COL6A3: variants seen among roughly 807,000 people sequenced by gnomAD.
The protein encoded by COL6A3 is collagen alpha-3(VI) chain.
Under a neutral mutation model 274.1 loss-of-function variants are expected in COL6A3, and 137 were observed. The ratio of observed to expected loss-of-function variants is 0.50; its 90% CI spans 0.44 to 0.58. The LOEUF (loss-of-function observed/expected upper bound fraction) is 0.58, where lower values mean the gene tolerates loss of function less well. Among genes scored for constraint, COL6A3 ranks in the 20% least tolerant of loss-of-function variants. The pLI, the probability that COL6A3 is intolerant of heterozygous loss-of-function variation, is 0.00. For missense variants in COL6A3, 3,950 were observed against 4,124.9 expected (o/e 0.96, Z 1.16); for synonymous variants, 1,650 against 1,650.6 (o/e 1.00, Z 0.01).
At chr2:237,343,716 G>GA in intron 36 of COL6A3, 1 of 160,396 alleles carries the variant, frequency 6.2e-6, no homozygotes, top group South Asian at 1.8e-4. Flanking sequence ...ATAGTTTTGG[G>GA]GACCTCACTG....
chr2:237,374,859 G>T lies in COL6A3; in HGVS notation c.3232C>A (p.Pro1078Thr). ...ATGTATGAATTCAGGTAGAACTCGG[G>T]CCTGGTCCGGTCGCTGTACTGCACC... ...AVVQYSDRTR[P>T]EFYLNSYMNK... is the part of the protein sequence containing the mutation. The change falls in exon 8 of 44, where the codon CCC becomes ACC. Residue 1078 changes from proline (P) to threonine (T), a missense_variant. Pro to Thr is a conservative substitution (Grantham distance 38). Coordinates refer to ENST00000295550, the MANE Select transcript of COL6A3 (RefSeq NM_004369.4). The surrounding 1 kb of genome is among the most constrained non-coding windows in gnomAD (Gnocchi z 4.8). The T allele has an allele frequency of 6.2e-7, 1 of 1,613,842 alleles. No individual in the cohort carries two copies. Among genetic ancestry groups the T allele is most frequent in the East Asian group, 2.2e-5 (1 of 44,838 alleles).
At chr2:237,353,535 A>G in intron 24 of COL6A3, 132 bp from the exon 25 acceptor site, 7 of 757,892 alleles carry the variant, frequency 9.2e-6, no homozygotes, top group Non-Finnish European at 1.4e-5. Context: ...CAGAGGTAAC[A>G]GATGATCAAA....
rs747957874 is a variant in COL6A3, at chr2:237,378,755, G to A, written c.2378C>T (p.Pro793Leu). 6.8e-6 allele frequency: 11 copies of A among 1,614,080 alleles called. No homozygotes were observed. Among genetic ancestry groups the A allele is most frequent in the Non-Finnish European group, 9.3e-6 (11 of 1,180,062 alleles). Reference protein sequence around the residue: ...KAELEQIAFNPSLVYLMDDFS... With the variant: ...KAELEQIAFNLSLVYLMDDFS... ...ATCATCCATGAGATACACCAGGCTT[G>A]GGTTAAAAGCAATCTGCTCAAGCTC... The change falls in exon 6 of 44, where the codon CCA becomes CTA. Residue 793 changes from proline to leucine, a missense_variant. By Grantham distance (98) the Pro-to-Leu change is moderately conservative. Transcript: ENST00000295550.
chr2:237,340,638 G>C lies in COL6A3; in HGVS notation c.8278C>G (p.Leu2760Val), dbSNP rs777289447. The part of the protein sequence containing the change: ...QQLEEAQRVI[L>V]QAKCKGYFFV... ...AAGTAGCCCTTGCATTTGGCCTGCAGGATGACTCTCTGGGCCTCCTCCAGC... is the reference window on the plus strand; with the variant it reads ...AAGTAGCCCTTGCATTTGGCCTGCACGATGACTCTCTGGGCCTCCTCCAGC... Residue 2760 changes from leucine (L) to valine (V), a missense_variant, in exon 38 of 44, where the codon CTG (leucine) becomes GTG (valine). Leu to Val is a conservative substitution (Grantham distance 32). Around this residue, in one of 5 missense-constraint regions of COL6A3, gnomAD observed 1,284 missense variants for 1,349.7 expected, o/e 0.95. Coordinates refer to ENST00000295550, the MANE Select transcript of COL6A3 (RefSeq NM_004369.4). 5.6e-6 allele frequency: 9 copies of C among 1,614,202 alleles called. No homozygotes were observed. The highest frequency in any genetic ancestry group is 1.7e-4 in the Middle Eastern group (1 of 6,060).
Position 237,336,387 on chromosome 2 carries a change from C to G in COL6A3, c.8713G>C (p.Val2905Leu), listed in dbSNP as rs1700548408. ...GCCGGCTTTGCAGCGGCTGGCTTCA[C>G]AGATGGCTGATTTATAATAGTCACA... Reference protein sequence around the residue: ...KPVTIINQPSVKPAAAKPAPA... With the variant: ...KPVTIINQPSLKPAAAKPAPA... The change falls in exon 40 of 44, where the codon GTG becomes CTG. Residue 2905 changes from valine (V) to leucine (L), a missense_variant. Physicochemically the swap from Val to Leu is conservative, Grantham distance 32. This residue lies in a region of COL6A3 where 1,284 missense variants were observed against 1,349.7 expected (regional missense o/e 0.95). Transcript: ENST00000295550. 1 of 1,614,230 alleles carries G rather than the reference C, an allele frequency of 6.2e-7. No homozygotes were observed. Among genetic ancestry groups the G allele is most frequent in the Non-Finnish European group, 8.5e-7 (1 of 1,180,050 alleles).
intron 8 of COL6A3, among the ~76,000 whole-genome samples, chr2:237,372,795 C>T (rs1339938745): frequency 6.6e-6 from 1 of 152,140 alleles, no homozygotes; most frequent in African/African-American, 2.4e-5. Context: ...CTTTAGGAGA[C>T]AGGTGCTGCT....
In COL6A3 at chr2:237,374,465, G is replaced by A. The variant is rs780311080; in HGVS notation, c.3626C>T (p.Thr1209Ile). The part of the protein sequence containing the change: ...QVISERVTQL[T>I]REELSRLQPV... ...CTGCAGCCTGCTCAGCTCCTCGCGGGTGAGCTGGGTCACCCTCTCAGAGAT... is the reference window on the plus strand; with the variant it reads ...CTGCAGCCTGCTCAGCTCCTCGCGGATGAGCTGGGTCACCCTCTCAGAGAT... Residue 1209 changes from threonine to isoleucine, a missense_variant, in exon 8 of 44, where the codon ACC (threonine) becomes ATC (isoleucine). Transcript: ENST00000295550. The surrounding 1 kb of genome is among the most constrained non-coding windows in gnomAD (Gnocchi z 4.8). 1 of 1,613,984 alleles carries A rather than the reference G, an allele frequency of 6.2e-7. No individual in the cohort carries two copies. Among genetic ancestry groups the A allele is most frequent in the East Asian group, 2.2e-5 (1 of 44,864 alleles).
chr2:237,377,820 G>C (rs1373538630), intron 6 of COL6A3, among the ~76,000 whole-genome samples: 1 of 152,122 alleles, frequency 6.6e-6, no homozygotes, highest in Non-Finnish European at 1.5e-5. Flanking sequence ...TGCTGTAATT[G>C]AATGATCAAA....
intron 42 of COL6A3, chr2:237,328,448 A>T (rs982030169): frequency 1.3e-5 from 2 of 152,182 alleles, no homozygotes; most frequent in African/African-American, 4.8e-5. Flanking sequence ...GCAGGAGTGG[A>T]TGTGCATGTG....
intron 8 of COL6A3, 80 bp from the exon 9 acceptor site, chr2:237,372,417 A>G (rs2077717807): frequency 1.3e-6 from 2 of 1,598,884 alleles, no homozygotes; most frequent in African/African-American, 1.3e-5. Flanking sequence ...CCAGTTTGTC[A>G]TGGATTCACA....
At chr2:237,329,711 C>T (rs1700124666) in intron 42 of COL6A3, 2 of 152,098 alleles carry the variant, frequency 1.3e-5, no homozygotes, top group South Asian at 4.2e-4. Context: ...GTATTGTATC[C>T]AATATAAGAG....
chr2:237,373,718 G>C (rs1014013394), intron 8 of COL6A3, among the ~76,000 whole-genome samples: 2 of 152,128 alleles, frequency 1.3e-5, no homozygotes, highest in Non-Finnish European at 2.9e-5. Flanking sequence ...CCCCACCCGA[G>C]TGACCCGGGA....
chr2:237,394,835 G>C lies in COL6A3; in HGVS notation c.461C>G (p.Ser154Trp), dbSNP rs147701785. The change falls in exon 3 of 44, where the codon TCG becomes TGG. Residue 154 changes from serine to tryptophan, a missense_variant. Around this residue, in one of 5 missense-constraint regions of COL6A3, gnomAD observed 1,934 missense variants for 1,984.3 expected, o/e 0.97. Transcript: ENST00000295550. ...TGAGGGCAGAGCAAGGCCATCCTTC[G>C]AGTGTCCATCAGTTAACACTACGAT... is the stretch of plus-strand genomic sequence containing the variant. ...QVIVVLTDGH[S>W]KDGLALPSAE... 8 of 1,613,904 alleles carry C rather than the reference G, an allele frequency of 5.0e-6. No homozygotes were observed. Among genetic ancestry groups the C allele is most frequent in the South Asian group, 1.1e-5 (1 of 91,084 alleles).
At chr2:237,395,731 G>A (rs1420095477) in intron 2 of COL6A3, among the ~76,000 whole-genome samples, 1 of 152,198 alleles carries the variant, frequency 6.6e-6, no homozygotes, top group East Asian at 1.9e-4. Context: ...TGTTCTTTAA[G>A]CGAGGAGGAC....
chr2:237,368,833 G>A lies in COL6A3; in HGVS notation c.4630C>T (p.Leu1544=), dbSNP rs1460616364. The change falls in exon 10 of 44, where the codon CTG becomes TTG. Residue 1544 remains leucine, a synonymous_variant. Transcript: ENST00000295550. The surrounding 1 kb of genome is among the most constrained non-coding windows in gnomAD (Gnocchi z 4.4). ...GATTTTCCACCCAGGACCAGGACCA[G>A]GTGTTGGGGCACCCCGTCTTCTATG... The part of the protein sequence containing the change: ...SRIEDGVPQH[L]VLVLGGKSQD... 17 of 1,614,080 alleles carry A rather than the reference G, an allele frequency of 1.1e-5. No homozygotes were observed. The highest frequency in any genetic ancestry group is 5.1e-6 in the Non-Finnish European group (6 of 1,180,044).
intron 41 of COL6A3, 139 bp downstream of exon 41, chr2:237,334,487 G>T: frequency 1.1e-6 from 1 of 945,136 alleles, no homozygotes; most frequent in Non-Finnish European, 1.6e-6. Flanking sequence ...AGGCTGAGTT[G>T]TTTTGTTGTT....
intron 8 of COL6A3, among the ~76,000 whole-genome samples, chr2:237,373,296 C>T (rs1165447272): frequency 6.6e-6 from 1 of 152,220 alleles, no homozygotes; most frequent in Non-Finnish European, 1.5e-5. Context: ...CAGAGGCCTC[C>T]TGCAGGCAGA....
At chr2:237,336,068 A>C (rs1700525313) in intron 40 of COL6A3, 67 bp downstream of exon 40, 1 of 1,581,452 alleles carries the variant, frequency 6.3e-7, no homozygotes, top group African/African-American at 1.3e-5. Context: ...GCAGGCTTTG[A>C]GGAACACACC....
chr2:237,394,300 G>T (rs1255983351), intron 3 of COL6A3, among the ~76,000 whole-genome samples: 1 of 152,220 alleles, frequency 6.6e-6, no homozygotes, highest in Admixed American at 6.5e-5. Flanking sequence ...TCTTTTCTAA[G>T]GAAGGCAGAG....
Sources: gnomAD v4.1 joint callset for allele counts (sites outside exome capture counted in the v4.1 genomes callset) on GRCh38, gnomAD v4.1.1 for gene constraint, gnomAD v4.1.1 regional missense constraint, Gnocchi (gnomAD v3.1) non-coding constraint, MANE v1.5 for transcripts, NCBI Gene and HGNC (gene_info 2026-07-23, HGNC 2026-07-21) for gene names.